Variants in DLGAP2 observed in about 807,000 individuals in gnomAD.
DLGAP2 encodes DLG associated protein 2.
Under a neutral mutation model 100.3 loss-of-function variants are expected in DLGAP2, and 26 were observed. The ratio of observed to expected loss-of-function variants is 0.26; its 90% CI spans 0.19 to 0.36. DLGAP2 has a LOEUF of 0.36. Ranked by LOEUF, DLGAP2 falls within the 10% of genes least tolerant of loss-of-function variation. The pLI is 1.00. For synonymous variants in DLGAP2, 886 were observed against 630.1 expected (o/e 1.41, Z -6.08); for missense variants, 1,858 against 1,453.2 (o/e 1.28, Z -4.53).
intron 2 of DLGAP2, among the ~76,000 whole-genome samples, chr8:1,209,957 A>G (rs1563255203): frequency 6.6e-6 from 1 of 152,132 alleles, no homozygotes; most frequent in African/African-American, 2.4e-5. Flanking sequence ...GAGAAATTTT[A>G]TCTTTTTAGC....
intron 3 of DLGAP2, among the ~76,000 whole-genome samples, chr8:1,273,407 G>T (rs1408368560): frequency 6.6e-6 from 1 of 152,182 alleles, no homozygotes; most frequent in Non-Finnish European, 1.5e-5. Flanking sequence ...TCACACAGCT[G>T]GCTTATGGAG....
rs139336496 is a variant in DLGAP2, at chr8:966,779, C to T, written c.73+58813C>T. On this transcript the variant is annotated intron_variant, in intron 2 of 14. Coordinates refer to ENST00000637795, the MANE Select transcript of DLGAP2 (RefSeq NM_001346810.2). ...CATCTGCCTCTCCTCACATTTCCTACGCTAGAAATGACTGTTGTTAGGATG... is the reference window on the plus strand; with the variant it reads ...CATCTGCCTCTCCTCACATTTCCTATGCTAGAAATGACTGTTGTTAGGATG... 2.6e-3 allele frequency among the ~76,000 whole-genome samples: 392 copies of T among 152,310 alleles called. 2 individuals carry two copies. Among genetic ancestry groups the T allele is most frequent in the African/African-American group, 8.7e-3 (363 of 41,564 alleles).
intron 3 of DLGAP2, among the ~76,000 whole-genome samples, chr8:1,469,274 G>A (rs1228767284): frequency 6.6e-6 from 1 of 152,238 alleles, no homozygotes; most frequent in East Asian, 1.9e-4. Flanking sequence ...CAGCCACCCT[G>A]GCTCCCAGGA....
chr8:1,201,023 C>G (rs953290611), intron 2 of DLGAP2, among the ~76,000 whole-genome samples: 1 of 152,132 alleles, frequency 6.6e-6, no homozygotes, highest in Non-Finnish European at 1.5e-5. Flanking sequence ...CGTTAGGGAC[C>G]CACACCTAGA....
intron 3 of DLGAP2, among the ~76,000 whole-genome samples, chr8:1,388,498 G>C (rs1271542187): frequency 1.6e-5 from 1 of 63,418 alleles, no homozygotes; most frequent in African/African-American, 7.2e-5. Context: ...AGGGCTGTGA[G>C]AGGCAGAGGC....
intron 2 of DLGAP2, among the ~76,000 whole-genome samples, chr8:1,112,525 C>T (rs995772156): frequency 6.6e-6 from 1 of 152,136 alleles, no homozygotes; most frequent in Admixed American, 6.5e-5. Context: ...CAGGCGTGAG[C>T]CACCGCGCCC....
intron 3 of DLGAP2, among the ~76,000 whole-genome samples, chr8:1,262,013 G>C: frequency 6.6e-6 from 1 of 152,198 alleles, no homozygotes; most frequent in Non-Finnish European, 1.5e-5. Context: ...TTGTCAGAAA[G>C]CTGTTAACAG....
At chr8:1,488,120 A>G (rs1799277237) in intron 3 of DLGAP2, among the ~76,000 whole-genome samples, 1 of 152,200 alleles carries the variant, frequency 6.6e-6, no homozygotes, top group Non-Finnish European at 1.5e-5. Context: ...AAGCCCACTC[A>G]GGGCAGAGCC....
intron 2 of DLGAP2, among the ~76,000 whole-genome samples, chr8:1,193,833 G>A (rs909187133): frequency 3.3e-5 from 5 of 152,032 alleles, no homozygotes; most frequent in Admixed American, 1.3e-4. Context: ...GACAGCATCC[G>A]GGTGGGGCAG....
At chr8:824,516 CT>C (rs1200864096) in intron 1 of DLGAP2, among the ~76,000 whole-genome samples, 2 of 152,198 alleles carry the variant, frequency 1.3e-5, no homozygotes, top group Non-Finnish European at 2.9e-5. Context: ...TTACGGGCAG[CT>C]TTTATGGTTT....
intron 2 of DLGAP2, among the ~76,000 whole-genome samples, chr8:926,196 C>T (rs1213367053): frequency 6.6e-6 from 1 of 152,134 alleles, no homozygotes; most frequent in Non-Finnish European, 1.5e-5. Context: ...CTTCCAGAGC[C>T]CACGCCCACC....
intron 1 of DLGAP2, among the ~76,000 whole-genome samples, chr8:763,195 A>G (rs1279090820): frequency 6.6e-6 from 1 of 152,208 alleles, no homozygotes; most frequent in East Asian, 1.9e-4. Context: ...TTGTGGAGAC[A>G]TGGACTATCA....
intron 13 of DLGAP2, among the ~76,000 whole-genome samples, chr8:1,693,676 G>A (rs1799309660): frequency 6.6e-6 from 1 of 152,100 alleles, no homozygotes; most frequent in Non-Finnish European, 1.5e-5. Flanking sequence ...CTTTTCCTTA[G>A]GATCATTAAA....
At chr8:757,521 A>G (rs935301453) in intron 1 of DLGAP2, among the ~76,000 whole-genome samples, 2 of 152,106 alleles carry the variant, frequency 1.3e-5, no homozygotes, top group African/African-American at 4.8e-5. Context: ...GTTCCTAAGC[A>G]TGAGCCTTTG....
intron 3 of DLGAP2, among the ~76,000 whole-genome samples, chr8:1,485,588 C>T (rs766919023): frequency 3.3e-5 from 5 of 152,216 alleles, no homozygotes; most frequent in African/African-American, 4.8e-5. Flanking sequence ...GGTTTATCCC[C>T]GTTCTTGGTT....
chr8:1,665,188 G>T (rs1386923988), intron 8 of DLGAP2, among the ~76,000 whole-genome samples: 1 of 152,022 alleles, frequency 6.6e-6, no homozygotes, highest in Non-Finnish European at 1.5e-5. Flanking sequence ...CATACAAGAA[G>T]GAAGGTTTAC....
At chr8:784,487 T>A (rs1247610696) in intron 1 of DLGAP2, among the ~76,000 whole-genome samples, 2 of 152,260 alleles carry the variant, frequency 1.3e-5, no homozygotes, top group African/African-American at 4.8e-5. Context: ...TGTAATATTT[T>A]AGGCCATTTA....
chr8:1,372,447 G>T (rs1014290257), intron 3 of DLGAP2, among the ~76,000 whole-genome samples: 1 of 152,116 alleles, frequency 6.6e-6, no homozygotes, highest in African/African-American at 2.4e-5. Context: ...GACAAATGTC[G>T]TGCGAGTCCC....
At chr8:845,190 A>C (rs749772690) in intron 1 of DLGAP2, among the ~76,000 whole-genome samples, 9 of 152,174 alleles carry the variant, frequency 5.9e-5, no homozygotes, top group Non-Finnish European at 1.2e-4. Context: ...CTAGGAGTGG[A>C]ATTGTTTGAA....
Sources: allele counts gnomAD v4.1 joint callset (sites outside exome capture counted in the v4.1 genomes callset), GRCh38; gene constraint gnomAD v4.1.1; transcripts MANE v1.5; gene names NCBI Gene and HGNC (gene_info 2026-07-23, HGNC 2026-07-21).